The following SLC8A2 variants were observed in gnomAD, a reference collection of about 807,000 sequenced individuals.
The protein encoded by SLC8A2 is solute carrier family 8 member A2.
SLC8A2 carries 14 observed loss-of-function variants against 70.2 expected under a neutral mutation model. That is an observed-to-expected ratio of 0.20 (90% CI 0.13 to 0.31). The LOEUF (loss-of-function observed/expected upper bound fraction) is 0.31, where lower values mean the gene tolerates loss of function less well. Among genes scored for constraint, SLC8A2 ranks in the 10% least tolerant of loss-of-function variants. The probability of loss-of-function intolerance (pLI) is 1.00; values close to 1 mark genes in which losing one functional copy is unlikely to be tolerated. For missense variants in SLC8A2, 779 were observed against 1,320.1 expected, an observed-to-expected ratio of 0.59 and a Z score of 6.35; for synonymous variants, 575 against 594.3, an observed-to-expected ratio of 0.97 and a Z score of 0.47.
At chr19:47,459,040 G>C (rs111212173) in intron 2 of SLC8A2, among the ~76,000 whole-genome samples, 5 of 131,964 alleles carry the variant, frequency 3.8e-5, no homozygotes, top group African/African-American at 1.2e-4. Flanking sequence ...CTCCATCTCT[G>C]TCTCTCTGTT....
In SLC8A2 at chr19:47,447,985, G is replaced by C; in HGVS notation, c.1587C>G (p.Asp529Glu). ...DDHAGIFSFQ[D>E]RLLHVSECMG... ...TGCACTCGCTCACGTGCAGCAGGCG[G>C]TCCTGGAAGGAGAAGATGCCTGCGT... The change falls in exon 4 of 10, where the codon GAC becomes GAG. Residue 529 changes from aspartate to glutamate, a missense_variant. Asp to Glu is a conservative substitution (Grantham distance 45, BLOSUM62 2). This residue lies in a region of SLC8A2 where 247 missense variants were observed against 362.8 expected (regional missense o/e 0.68). Transcript: ENST00000236877. This position sits in a 1 kb window ranked among gnomAD's most constrained non-coding sequence, Gnocchi z 5.1. 6.4e-7 allele frequency: 1 copy of C among 1,561,192 alleles called. No homozygotes were observed. Among genetic ancestry groups the C allele is most frequent in the Non-Finnish European group, 8.7e-7 (1 of 1,152,560 alleles).
At chr19:47,440,169 TG>T (rs1468798263) in intron 6 of SLC8A2, among the ~76,000 whole-genome samples, 12 of 152,146 alleles carry the variant, frequency 7.9e-5, no homozygotes, top group Non-Finnish European at 1.6e-4. Context: ...TCTCTGACCT[TG>T]GCCCCAATTC....
chr19:47,448,199 G>A lies in SLC8A2; in HGVS notation c.1373C>T (p.Thr458Met). ...GATGCCGATGCGCAGCTCCTTCTGC[G>A]TCTCGCCTGGTTTGAACACCAGCGT... ...EGTLVFKPGE[T>M]QKELRIGIID... The change falls in exon 4 of 10, where the codon ACG (threonine) becomes ATG (methionine). Residue 458 changes from threonine (T) to methionine (M), a missense_variant. Physicochemically the swap from Thr to Met is moderately conservative, Grantham distance 81. This residue lies in a region of SLC8A2 where 18 missense variants were observed against 61.3 expected (regional missense o/e 0.29). Coordinates refer to ENST00000236877, the MANE Select transcript of SLC8A2 (RefSeq NM_015063.3). The surrounding 1 kb of genome is among the most constrained non-coding windows in gnomAD (Gnocchi z 4.8). 6.2e-7 allele frequency: 1 copy of A among 1,608,106 alleles called. No homozygotes were observed. Among genetic ancestry groups the A allele is most frequent in the African/African-American group, 1.3e-5 (1 of 74,940 alleles).
chr19:47,462,265 T>C (rs1967405004), intron 2 of SLC8A2, among the ~76,000 whole-genome samples: 1 of 152,014 alleles, frequency 6.6e-6, no homozygotes, highest in African/African-American at 2.4e-5. Context: ...TTTCTTTCTT[T>C]CTTTCTTTCT....
At position 47,429,970 on chromosome 19, in the gene SLC8A2, G is replaced by T; in HGVS notation, c.*119C>A. On this transcript the variant is annotated 3_prime_UTR_variant, in exon 10 of 10. Coordinates refer to ENST00000236877, the MANE Select transcript of SLC8A2 (RefSeq NM_015063.3). ...GCCAGGGGAGGGGGCGGAGAAGGGA[G>T]GCCGAGTCCCAGGAGAGGAGGCCGA... 1 of 1,020,704 alleles carries T rather than the reference G, an allele frequency of 9.8e-7. No homozygotes were observed. Among genetic ancestry groups the T allele is most frequent in the Non-Finnish European group, 1.4e-6 (1 of 712,970 alleles). 63.2% of individuals were successfully genotyped at this position (1,020,704 alleles called of 1,614,324 possible). A position where few individuals can be genotyped will look rare whatever the true frequency, so the allele number is the denominator to read the frequency against.
chr19:47,449,624 A>G (rs1967211501), intron 3 of SLC8A2, among the ~76,000 whole-genome samples: 1 of 152,118 alleles, frequency 6.6e-6, no homozygotes, highest in African/African-American at 2.4e-5. Flanking sequence ...GTGCCTGGCC[A>G]AAAAGAGTAT....
intron 6 of SLC8A2, 71 bp downstream of exon 6, chr19:47,441,098 G>T: frequency 3.4e-6 from 5 of 1,453,340 alleles, no homozygotes; most frequent in Non-Finnish European, 4.8e-6. Context: ...TAGCTTTGGG[G>T]CTGGGACCCT....
At chr19:47,442,787 G>A (rs1322173393) in intron 4 of SLC8A2, among the ~76,000 whole-genome samples, 1 of 152,090 alleles carries the variant, frequency 6.6e-6, no homozygotes, top group African/African-American at 2.4e-5. Flanking sequence ...GGGATCAAGC[G>A]ATCCTCCTGC....
chr19:47,432,259 A>G lies in SLC8A2; in HGVS notation c.2297T>C (p.Ile766Thr), dbSNP rs768413214. ...GCCGAAGTGGGAGGCGAGGTCCCCA[A>G]TGAGGGCGGTGAGCAGGCCGATGAC... is the stretch of plus-strand genomic sequence containing the variant. ...ILVIGLLTAL[I>T]GDLASHFGCT... The change falls in exon 9 of 10, where the codon ATT (isoleucine) becomes ACT (threonine). Residue 766 changes from isoleucine to threonine, a missense_variant. Ile to Thr is a moderately conservative substitution (Grantham distance 89, BLOSUM62 -1). Transcript: ENST00000236877. This position sits in a 1 kb window ranked among gnomAD's most constrained non-coding sequence, Gnocchi z 6.2. The G allele has an allele frequency of 8.7e-6, 14 of 1,614,014 alleles. No individual in the cohort carries two copies. Among genetic ancestry groups the G allele is most frequent in the East Asian group, 4.5e-5 (2 of 44,884 alleles).
intron 4 of SLC8A2, among the ~76,000 whole-genome samples, chr19:47,444,730 A>C (rs1967139628): frequency 6.6e-6 from 1 of 152,212 alleles, no homozygotes. Context: ...ACCCAAATGC[A>C]GGAGAAACCC....
rs117087792 is a variant in SLC8A2, at chr19:47,456,803, G to T, written c.1340+127C>A. The T allele has an allele frequency of 1.3e-5, 13 of 990,358 alleles. No individual in the cohort carries two copies. The African/African-American group carries it at 2.0e-4, about 16-fold the overall frequency. 61.3% of individuals were successfully genotyped at this position (990,358 alleles called of 1,614,324 possible). A position where few individuals can be genotyped will look rare whatever the true frequency, so the allele number is the denominator to read the frequency against. On this transcript the variant is annotated intron_variant, in intron 3 of 9. Coordinates refer to ENST00000236877, the MANE Select transcript of SLC8A2 (RefSeq NM_015063.3). ...ACAAAGCAGGCTCTCAGGAATGAAT[G>T]AATGAACAAATGAACCAATGAATCC... is the stretch of plus-strand genomic sequence containing the variant.
rs772613782 is a variant in SLC8A2 at position 47,465,777 on chromosome 19, A to G, written c.627T>C (p.Tyr209=). 1.9e-6 allele frequency: 3 copies of G among 1,614,042 alleles called. No homozygotes were observed. The highest frequency in any genetic ancestry group is 1.7e-6 in the Non-Finnish European group (2 of 1,179,928). ...CAGCAAGGATGAGATAAAGCCAGAC[A>G]TAGGCGAAGATGCTCCAAGAGGCAG... is the stretch of plus-strand genomic sequence containing the variant. The part of the protein sequence containing the change: ...FVTASWSIFA[Y]VWLYLILAVF... Residue 209 remains tyrosine, a synonymous_variant, in exon 2 of 10, where the codon TAT becomes TAC. Coordinates refer to ENST00000236877, the MANE Select transcript of SLC8A2 (RefSeq NM_015063.3). This position sits in a 1 kb window ranked among gnomAD's most constrained non-coding sequence, Gnocchi z 5.5.
At chr19:47,436,786 A>T (rs1396075935) in intron 8 of SLC8A2, among the ~76,000 whole-genome samples, 1 of 152,088 alleles carries the variant, frequency 6.6e-6, no homozygotes, top group African/African-American at 2.4e-5. Context: ...AGTGGGTACA[A>T]GTGTCGTAGT....
In SLC8A2 at chr19:47,429,825, T is replaced by G; in HGVS notation, c.*264A>C. ...ACTGGGGTGGAAATTTCCCCAGGGA[T>G]ATAGACGGTCACCAACAGGATGGGC... On this transcript the variant is annotated 3_prime_UTR_variant, in exon 10 of 10. Transcript: ENST00000236877. 2 of 549,622 alleles carry G rather than the reference T, an allele frequency of 3.6e-6. No individual in the cohort carries two copies. The highest frequency in any genetic ancestry group is 6.4e-6 in the Non-Finnish European group (2 of 310,856). 34.0% of individuals were successfully genotyped at this position (549,622 alleles called of 1,614,324 possible). A position where few individuals can be genotyped will look rare whatever the true frequency, so the allele number is the denominator to read the frequency against.
intron 6 of SLC8A2, among the ~76,000 whole-genome samples, chr19:47,439,643 T>TTCCTTCCTTCCTTCCTTCCTTCCTTCCC (rs199619348): frequency 6.9e-6 from 1 of 145,684 alleles, no homozygotes; most frequent in Admixed American, 6.9e-5. Context: ...CCTTCCTTCC[T>TTCCTTCCTTCCTTCCTTCCTTCCTTCCC]CCCCTCCCTC....
rs56184564 is a variant in SLC8A2 at position 47,452,397 on chromosome 19, GGAGAGAGAGAGA to G, written c.1341-4178_1341-4167del. On this transcript the variant is annotated intron_variant, in intron 3 of 9. Coordinates refer to ENST00000236877, the MANE Select transcript of SLC8A2 (RefSeq NM_015063.3). ...GCCCAGCTTATATATATATATATAT[GGAGAGAGAGAGA>G]GAGAGAGAGAGAGAGAGAGAGAGAG... Among the ~76,000 whole-genome samples the G allele has an allele frequency of 7.2e-3, 469 of 65,452 alleles. 4 individuals carry two copies. The highest frequency in any genetic ancestry group is 0.017 in the South Asian group (21 of 1,252). 42.9% of individuals were successfully genotyped at this position (65,452 alleles called of 152,430 possible).
intron 3 of SLC8A2, among the ~76,000 whole-genome samples, chr19:47,451,047 C>T (rs1351763509): frequency 1.5e-5 from 2 of 134,990 alleles, no homozygotes; most frequent in Non-Finnish European, 1.5e-5. Flanking sequence ...GTCACCCTGT[C>T]GCCCAGGCTG....
rs1185272461 is a variant in SLC8A2, at chr19:47,428,214, T to TG, written c.*1874dup. On this transcript the variant is annotated 3_prime_UTR_variant, in exon 10 of 10. Coordinates refer to ENST00000236877, the MANE Select transcript of SLC8A2 (RefSeq NM_015063.3). ...GCGTGGCTGAAGCACGACTGATAAGTGGGGGTGTGATTAGTGGAAGAGCTA... is the reference window on the plus strand; with the variant it reads ...GCGTGGCTGAAGCACGACTGATAAGTGGGGGGTGTGATTAGTGGAAGAGCTA... 6 of 143,842 alleles carry TG rather than the reference T, an allele frequency of 4.2e-5. No homozygotes were observed. Among genetic ancestry groups the TG allele is most frequent in the African/African-American group, 1.6e-4 (6 of 38,148 alleles). The allele number at this position is 143,842 out of a possible 1,614,324, so 8.9% of individuals were successfully genotyped here.
In SLC8A2 at chr19:47,466,122, C is replaced by T; in HGVS notation, c.282G>A (p.Met94Ile). The T allele has an allele frequency of 6.2e-7, 1 of 1,614,206 alleles. No individual in the cohort carries two copies. The highest frequency in any genetic ancestry group is 8.5e-7 in the Non-Finnish European group (1 of 1,180,032). Residue 94 changes from methionine (M) to isoleucine (I), a missense_variant, in exon 2 of 10, where the codon ATG (methionine) becomes ATA (isoleucine). By Grantham distance (10) the Met-to-Ile change is conservative. Around this residue, in one of 6 missense-constraint regions of SLC8A2, gnomAD observed 155 missense variants for 318.6 expected, o/e 0.49. Transcript: ENST00000236877. This position sits in a 1 kb window ranked among gnomAD's most constrained non-coding sequence, Gnocchi z 6.9. ...LGVSIIADRF[M>I]AAIEVITSKE... ...TTGACGTGATGACCTCGATGGCCGC[C>T]ATGAAACGGTCGGCGATGATGGACA...
Sources: allele counts gnomAD v4.1 joint callset (sites outside exome capture counted in the v4.1 genomes callset), GRCh38; gene constraint gnomAD v4.1.1; regional missense constraint gnomAD v4.1.1; non-coding constraint Gnocchi (gnomAD v3.1); transcripts MANE v1.5; gene names NCBI Gene and HGNC (gene_info 2026-07-23, HGNC 2026-07-21).